DPP6: variants seen among roughly 807,000 people sequenced by gnomAD.
DPP6 encodes the protein dipeptidyl peptidase like 6, also known as A-type potassium channel modulatory protein DPP6.
DPP6 carries 69 observed loss-of-function variants against 122.6 expected under a neutral mutation model. That is an observed-to-expected ratio of 0.56 (90% confidence interval 0.46 to 0.69). DPP6 has a LOEUF of 0.69. DPP6 is among the 30% of genes least tolerant of loss of function. The probability of loss-of-function intolerance (pLI) is 0.00; values close to 1 mark genes in which losing one functional copy is unlikely to be tolerated. For missense variants in DPP6, 928 were observed against 1,116.9 expected, an observed-to-expected ratio of 0.83 and a Z score of 2.41; for synonymous variants, 418 against 433.1, an observed-to-expected ratio of 0.97 and a Z score of 0.43.
At chr7:154,530,304 A>C (rs1907618) in intron 3 of DPP6, among the ~76,000 whole-genome samples, 5,170 of 152,240 alleles carry the variant, frequency 0.034, 112 homozygotes, top group South Asian at 0.083. Flanking sequence ...TTGTCAAATT[A>C]ACAGCTAAAA....
At position 154,892,346 on chromosome 7, in the gene DPP6, G is replaced by A; in HGVS notation, c.2464G>A (p.Glu822Lys). The A allele has an allele frequency of 6.2e-7, 1 of 1,613,888 alleles. No individual in the cohort carries two copies. Among genetic ancestry groups the A allele is most frequent in the East Asian group, 2.2e-5 (1 of 44,886 alleles). ...ANYSLQIYPD[E>K]SHYFTSSSLK... ...GCCTTCCTTGCAGATTTACCCGGAC[G>A]AAAGCCATTACTTTACCAGCTCCAG... Residue 822 changes from glutamate (E) to lysine (K), a missense_variant, in exon 26 of 26, where the codon GAA becomes AAA. By Grantham distance (56) the Glu-to-Lys change is moderately conservative. Coordinates refer to ENST00000377770, the MANE Select transcript of DPP6 (RefSeq NM_130797.4).
chr7:153,849,536 C>T, the DPP6 span, among the ~76,000 whole-genome samples: 5 of 152,072 alleles, frequency 3.3e-5, no homozygotes, highest in East Asian at 1.9e-4. Flanking sequence ...AAAGAAGAAC[C>T]GGTTAATATT....
At chr7:154,202,857 A>G (rs1014614964) in intron 1 of DPP6, among the ~76,000 whole-genome samples, 2 of 152,186 alleles carry the variant, frequency 1.3e-5, no homozygotes, top group African/African-American at 4.8e-5. Context: ...CAGAACCTGG[A>G]CTATATTAGG....
In DPP6 at chr7:154,537,083, T is replaced by G. The variant is rs1828319945; in HGVS notation, c.458-3449T>G. ...TAAACATTTTTACTATATTAATAAT[T>G]TCTGCTTATCAAAATATTTTATATA... On this transcript the variant is annotated intron_variant, in intron 3 of 25. Transcript: ENST00000377770. 2.0e-5 allele frequency among the ~76,000 whole-genome samples: 3 copies of G among 152,278 alleles called. No homozygotes were observed. The South Asian group carries it at 6.2e-4, about 32-fold the overall frequency.
At chr7:153,830,156 C>G in the DPP6 span, among the ~76,000 whole-genome samples, 3 of 152,190 alleles carry the variant, frequency 2.0e-5, no homozygotes, top group East Asian at 3.9e-4. Context: ...CTGTATAAAT[C>G]TTTTTCAATT....
chr7:153,873,845 A>G, the DPP6 span, among the ~76,000 whole-genome samples: 1 of 152,242 alleles, frequency 6.6e-6, no homozygotes, highest in Non-Finnish European at 1.5e-5. Flanking sequence ...AGGTAGAGAA[A>G]TATAGGGGTG....
At chr7:154,465,387 C>T (rs192643724) in intron 2 of DPP6, among the ~76,000 whole-genome samples, 5 of 152,256 alleles carry the variant, frequency 3.3e-5, no homozygotes, top group South Asian at 2.1e-4. Context: ...AGAGCTTCTG[C>T]ACAACAAAAG....
intron 1 of DPP6, among the ~76,000 whole-genome samples, chr7:154,218,192 A>G (rs1800109014): frequency 6.6e-6 from 1 of 152,178 alleles, no homozygotes. Flanking sequence ...CTGGTAAAGC[A>G]GCCATTAGAC....
intron 1 of DPP6, among the ~76,000 whole-genome samples, chr7:154,354,589 C>G (rs562390604): frequency 1.3e-5 from 2 of 152,296 alleles, no homozygotes; most frequent in Admixed American, 6.5e-5. Flanking sequence ...TATTTTGACA[C>G]CTTCACCATC....
At chr7:153,803,087 A>G in the DPP6 span, among the ~76,000 whole-genome samples, 24 of 151,758 alleles carry the variant, frequency 1.6e-4, no homozygotes, top group South Asian at 4.4e-3. Flanking sequence ...AACAGCTCAC[A>G]AGGCCCTGGT....
intron 3 of DPP6, among the ~76,000 whole-genome samples, chr7:154,506,360 G>A (rs1052701442): frequency 2.6e-5 from 4 of 151,954 alleles, no homozygotes; most frequent in African/African-American, 9.7e-5. Flanking sequence ...AATTTTTTGT[G>A]CTACCAGGAG....
intron 1 of DPP6, among the ~76,000 whole-genome samples, chr7:154,016,402 T>TA (rs200276969): frequency 0.025 from 3,854 of 151,650 alleles, 169 homozygotes; most frequent in African/African-American, 0.089. Flanking sequence ...TAGGTTTATT[T>TA]TTTTTTTTTT....
At chr7:154,791,936 G>A (rs1310051614) in intron 10 of DPP6, among the ~76,000 whole-genome samples, 1 of 152,112 alleles carries the variant, frequency 6.6e-6, no homozygotes, top group Admixed American at 6.5e-5. Context: ...TCCAAATTAA[G>A]AAATAGAAAA....
chr7:154,092,836 C>T (rs893024956), intron 1 of DPP6: 16 of 152,030 alleles, frequency 1.1e-4, no homozygotes, highest in African/African-American at 3.6e-4. Flanking sequence ...ATGATTCTTA[C>T]CCGAGTCAAG....
the DPP6 span, among the ~76,000 whole-genome samples, chr7:153,810,595 A>G: frequency 6.6e-6 from 1 of 151,186 alleles, no homozygotes; most frequent in African/African-American, 2.4e-5. Flanking sequence ...ATTGAATGAT[A>G]TTTTTCTCAG....
At chr7:154,445,020 CTTAAT>C (rs1819737277) in intron 1 of DPP6, among the ~76,000 whole-genome samples, 1 of 152,136 alleles carries the variant, frequency 6.6e-6, no homozygotes, top group African/African-American at 2.4e-5. Context: ...ATGAATTTTT[CTTAAT>C]TTAATAACAA....
At chr7:154,257,704 TAAAC>T (rs1292162631) in intron 1 of DPP6, among the ~76,000 whole-genome samples, 1 of 134,110 alleles carries the variant, frequency 7.5e-6, no homozygotes, top group Non-Finnish European at 1.6e-5. Context: ...ATTTCAAAAA[TAAAC>T]AAATAAATAA....
chr7:154,250,372 A>G (rs117529650), intron 1 of DPP6, among the ~76,000 whole-genome samples: 1 of 152,138 alleles, frequency 6.6e-6, no homozygotes, highest in African/African-American at 2.4e-5. Context: ...CCCCATGTCA[A>G]CACCTGCAGT....
chr7:153,966,914 A>C, intron 1 of DPP6, among the ~76,000 whole-genome samples: 1 of 151,534 alleles, frequency 6.6e-6, no homozygotes, highest in Non-Finnish European at 1.5e-5. Flanking sequence ...CAAAAATAGA[A>C]AAATGAGCTG....
Sources: gnomAD v4.1 joint callset for allele counts (sites outside exome capture counted in the v4.1 genomes callset) on GRCh38, gnomAD v4.1.1 for gene constraint, MANE v1.5 for transcripts, NCBI Gene and HGNC (gene_info 2026-07-23, HGNC 2026-07-21) for gene names.